The following PTPRD variants were observed in gnomAD, a reference collection of about 807,000 sequenced individuals.
The protein encoded by PTPRD is receptor-type tyrosine-protein phosphatase delta.
In PTPRD, 34 loss-of-function variants were observed where a neutral mutation model predicts 214.5. That is an observed-to-expected ratio of 0.16 (90% CI 0.12 to 0.21). PTPRD has a LOEUF of 0.21. Ranked by LOEUF, PTPRD falls within the 10% of genes least tolerant of loss-of-function variation. The probability of loss-of-function intolerance (pLI) is 1.00; values close to 1 mark genes in which losing one functional copy is unlikely to be tolerated. For synonymous variants in PTPRD, 1,128 were observed against 845.7 expected, an observed-to-expected ratio of 1.33 and a Z score of -5.79; for missense variants, 2,545 against 2,398.7, an observed-to-expected ratio of 1.06 and a Z score of -1.27.
intron 9 of PTPRD, among the ~76,000 whole-genome samples, chr9:9,284,630 A>C (rs1474166045): frequency 6.6e-6 from 1 of 151,742 alleles, no homozygotes; most frequent in African/African-American, 2.4e-5. Flanking sequence ...TTAATGTGAT[A>C]CTGTTAATCA....
chr9:10,367,813 T>C (rs187516042), intron 2 of PTPRD, among the ~76,000 whole-genome samples: 8 of 152,182 alleles, frequency 5.3e-5, no homozygotes, highest in Admixed American at 5.2e-4. Context: ...ATTCAGACAA[T>C]GCTTGATTGG....
At chr9:9,980,676 A>G (rs1429797112) in intron 4 of PTPRD, among the ~76,000 whole-genome samples, 2 of 140,672 alleles carry the variant, frequency 1.4e-5, no homozygotes, top group African/African-American at 5.2e-5. Context: ...CTTAGGAAAA[A>G]AAAGTCTCTG....
At chr9:8,406,951 G>GC (rs2093043523) in intron 35 of PTPRD, among the ~76,000 whole-genome samples, 1 of 152,144 alleles carries the variant, frequency 6.6e-6, no homozygotes, top group Non-Finnish European at 1.5e-5. Flanking sequence ...TGATATCCTT[G>GC]TTTTACTTAG....
At position 8,792,093 on chromosome 9, in the gene PTPRD, G is replaced by A. The variant is rs543929346; in HGVS notation, c.-103-58147C>T. 3.9e-5 allele frequency among the ~76,000 whole-genome samples: 6 copies of A among 152,292 alleles called. No homozygotes were observed. The East Asian group carries it at 5.8e-4, about 15-fold the overall frequency. ...CTGAAATAGTTCGTTTTTAGACAACGTCAAAATGACCTCGTCAAATAACTA... is the reference window on the plus strand; with the variant it reads ...CTGAAATAGTTCGTTTTTAGACAACATCAAAATGACCTCGTCAAATAACTA... On this transcript the variant is annotated intron_variant, in intron 11 of 45. Coordinates refer to ENST00000381196, the MANE Select transcript of PTPRD (RefSeq NM_002839.4).
At chr9:10,591,151 C>A (rs546991393) in intron 2 of PTPRD, among the ~76,000 whole-genome samples, 1 of 152,006 alleles carries the variant, frequency 6.6e-6, no homozygotes, top group East Asian at 1.9e-4. Context: ...TTTGTGTGGA[C>A]CCTGCTGAAT....
chr9:8,323,690 G>A (rs1830720151), intron 44 of PTPRD, among the ~76,000 whole-genome samples: 2 of 152,160 alleles, frequency 1.3e-5, no homozygotes, highest in Admixed American at 6.5e-5. Flanking sequence ...GAATACATGA[G>A]GAGTTGTTCC....
intron 2 of PTPRD, among the ~76,000 whole-genome samples, chr9:10,459,251 A>C (rs1011333150): frequency 6.6e-6 from 1 of 152,028 alleles, no homozygotes; most frequent in Non-Finnish European, 1.5e-5. Context: ...TGGCTGCATA[A>C]TATTCCATGG....
At chr9:9,094,572 T>C (rs1462800989) in intron 10 of PTPRD, among the ~76,000 whole-genome samples, 2 of 152,114 alleles carry the variant, frequency 1.3e-5, no homozygotes, top group African/African-American at 4.8e-5. Context: ...GTGGGTACAG[T>C]GTACACTGCT....
intron 30 of PTPRD, among the ~76,000 whole-genome samples, chr9:8,477,629 C>T (rs1380310715): frequency 6.6e-6 from 1 of 152,122 alleles, no homozygotes; most frequent in African/African-American, 2.4e-5. Context: ...CCTGGCTTTA[C>T]CGCTCCTTAA....
At chr9:8,573,317 T>C (rs917730789) in intron 14 of PTPRD, among the ~76,000 whole-genome samples, 9 of 152,058 alleles carry the variant, frequency 5.9e-5, no homozygotes, top group African/African-American at 2.2e-4. Context: ...ATTTCCAGTA[T>C]GTATTTAATA....
intron 2 of PTPRD, among the ~76,000 whole-genome samples, chr9:10,603,640 T>C (rs928504150): frequency 6.6e-6 from 1 of 151,924 alleles, no homozygotes; most frequent in African/African-American, 2.4e-5. Context: ...GATATGGGTA[T>C]AAATAAGTTA....
In PTPRD at chr9:9,339,048, A is replaced by T. The variant is rs1361382237; in HGVS notation, c.-203+58401T>A. ...GGTCATATCCTCTGTTGAGCTATAA[A>T]TGGAAAATACACTTTAATCTTGTCA... On this transcript the variant is annotated intron_variant, in intron 9 of 45. Coordinates refer to ENST00000381196, the MANE Select transcript of PTPRD (RefSeq NM_002839.4). Among the ~76,000 whole-genome samples, 4 of 152,208 alleles carry T rather than the reference A, an allele frequency of 2.6e-5. No homozygotes were observed. The South Asian group carries it at 8.3e-4, about 32-fold the overall frequency.
At chr9:8,839,700 G>A (rs1386154176) in intron 11 of PTPRD, among the ~76,000 whole-genome samples, 1 of 152,134 alleles carries the variant, frequency 6.6e-6, no homozygotes, top group Non-Finnish European at 1.5e-5. Context: ...ACCCTAAAAA[G>A]AAATAATGCA....
intron 8 of PTPRD, among the ~76,000 whole-genome samples, chr9:9,500,312 T>C (rs1052703013): frequency 2.6e-5 from 4 of 152,114 alleles, no homozygotes; most frequent in African/African-American, 9.7e-5. Flanking sequence ...GAAGCGAGTA[T>C]TTCAGGCACT....
At chr9:9,112,219 A>C (rs577750251) in intron 10 of PTPRD, among the ~76,000 whole-genome samples, 1 of 152,294 alleles carries the variant, frequency 6.6e-6, no homozygotes, top group Admixed American at 6.5e-5. Flanking sequence ...CTACATTTCC[A>C]GCATCTCACT....
chr9:10,266,520 A>G (rs1182752075), intron 3 of PTPRD, among the ~76,000 whole-genome samples: 1 of 152,200 alleles, frequency 6.6e-6, no homozygotes, highest in African/African-American at 2.4e-5. Flanking sequence ...TATGCAGAAT[A>G]TATCTTGAAA....
Position 9,769,969 on chromosome 9 carries a change from T to C in PTPRD, c.-367-3118A>G, listed in dbSNP as rs555998434. 5.9e-5 allele frequency among the ~76,000 whole-genome samples: 9 copies of C among 152,326 alleles called. No homozygotes were observed. In the East Asian group the frequency reaches 1.7e-3, roughly 29 times the overall value. ...CTTTTTATGGCTGCATAGTATTCCATGGTGTATATGTGCCACATTTTCTTT... is the reference window on the plus strand; with the variant it reads ...CTTTTTATGGCTGCATAGTATTCCACGGTGTATATGTGCCACATTTTCTTT... On this transcript the variant is annotated intron_variant, in intron 5 of 45. Coordinates refer to ENST00000381196, the MANE Select transcript of PTPRD (RefSeq NM_002839.4).
chr9:8,603,804 T>C (rs974097792), intron 14 of PTPRD, among the ~76,000 whole-genome samples: 1 of 152,210 alleles, frequency 6.6e-6, no homozygotes. Flanking sequence ...CAATTATACA[T>C]TGCTTCCACA....
chr9:10,510,547 T>C (rs2047643943), intron 2 of PTPRD, among the ~76,000 whole-genome samples: 1 of 152,146 alleles, frequency 6.6e-6, no homozygotes, highest in Non-Finnish European at 1.5e-5. Flanking sequence ...TTTTGTTTGC[T>C]TTGCTTTTTG....
Sources: allele counts gnomAD v4.1 joint callset (sites outside exome capture counted in the v4.1 genomes callset), GRCh38; gene constraint gnomAD v4.1.1; transcripts MANE v1.5; gene names NCBI Gene and HGNC (gene_info 2026-07-23, HGNC 2026-07-21).